Variants in IQCM observed in about 807,000 individuals in gnomAD.
IQCM encodes the protein IQ motif containing M, also known as IQ domain-containing protein M.
In IQCM, 45 loss-of-function variants were observed where a neutral mutation model predicts 57.6. The observed-to-expected ratio is 0.78, with a 90% CI of 0.62 to 1.00. The LOEUF is 1.00. Ranked by LOEUF, IQCM falls within the 50% of genes least tolerant of loss-of-function variation. The pLI is 0.00. For missense variants in IQCM, 468 were observed against 511.6 expected (o/e 0.91, Z 0.82); for synonymous variants, 148 against 158.9 (o/e 0.93, Z 0.51).
At chr4:149,421,205 C>T (rs1734098105) in intron 13 of IQCM, among the ~76,000 whole-genome samples, 1 of 151,958 alleles carries the variant, frequency 6.6e-6, no homozygotes, top group African/African-American at 2.4e-5. Context: ...CATAATAACA[C>T]AGTATACACT....
At chr4:149,717,290 A>G (rs541846213) in intron 5 of IQCM, among the ~76,000 whole-genome samples, 1 of 152,280 alleles carries the variant, frequency 6.6e-6, no homozygotes, top group South Asian at 2.1e-4. Context: ...TGCTACCTCC[A>G]GGTACATAGT....
chr4:149,579,454 A>G (rs1331666331), intron 9 of IQCM, among the ~76,000 whole-genome samples: 1 of 151,840 alleles, frequency 6.6e-6, no homozygotes, highest in Admixed American at 6.6e-5. Context: ...TGTTCTGCCT[A>G]TCAGAGCAGT....
intron 12 of IQCM, among the ~76,000 whole-genome samples, chr4:149,438,872 A>G (rs1271514979): frequency 6.6e-6 from 1 of 152,072 alleles, no homozygotes; most frequent in Non-Finnish European, 1.5e-5. Flanking sequence ...TGTAAAAATA[A>G]ATGCTAGGAC....
At chr4:149,469,264 TGGA>T (rs1423322403) in intron 12 of IQCM, among the ~76,000 whole-genome samples, 2 of 152,140 alleles carry the variant, frequency 1.3e-5, no homozygotes, top group African/African-American at 4.8e-5. Flanking sequence ...ATAAACAGTG[TGGA>T]GAAGTCCTTA....
rs532037550 is a variant in IQCM at position 149,688,216 on chromosome 4, GAAAGTTCCTAGAACTGATAAA to G, written c.386-1769_386-1749del. Among the ~76,000 whole-genome samples the G allele has an allele frequency of 9.2e-5, 14 of 151,832 alleles. No homozygotes were observed. In the East Asian group the frequency reaches 2.7e-3, roughly 30 times the overall value. ...CTTGAAAACTCTAAAGACTCCTCCA[GAAAGTTCCTAGAACTGATAAA>G]AAAATTTCAGCAAAGTTTCCAGATA... On this transcript the variant is annotated intron_variant, in intron 5 of 13. Transcript: ENST00000636793.
At chr4:149,734,271 C>T (rs964516225) in intron 4 of IQCM, among the ~76,000 whole-genome samples, 2 of 151,980 alleles carry the variant, frequency 1.3e-5, no homozygotes, top group African/African-American at 2.4e-5. Flanking sequence ...TCCAGGCAAC[C>T]GAAGATGGAA....
rs574017431 is a variant in IQCM, at chr4:149,381,070, G to T, written c.1391-29004C>A. 2.8e-4 allele frequency among the ~76,000 whole-genome samples: 42 copies of T among 152,210 alleles called. No individual in the cohort carries two copies. In the South Asian group the frequency reaches 8.3e-3, roughly 30 times the overall value. ...CACATTTCATCTTCTTCTCAGCTCA[G>T]TAAATTTCTGCATCTTTTGCAGGCT... On this transcript the variant is annotated intron_variant, in intron 13 of 13. Transcript: ENST00000636793.
intron 10 of IQCM, among the ~76,000 whole-genome samples, chr4:149,563,251 C>G (rs971210844): frequency 6.6e-6 from 1 of 152,062 alleles, no homozygotes; most frequent in African/African-American, 2.4e-5. Context: ...GAACAGACAG[C>G]AAAGAAGAAA....
At chr4:149,354,537 G>T (rs1728822323) in intron 13 of IQCM, among the ~76,000 whole-genome samples, 1 of 152,042 alleles carries the variant, frequency 6.6e-6, no homozygotes, top group Middle Eastern at 3.4e-3. Flanking sequence ...TCTAGTTCTT[G>T]AAATGAGATC....
intron 13 of IQCM, 40 bp downstream of exon 13, chr4:149,433,356 A>C (rs1735047466): frequency 1.1e-6 from 1 of 875,150 alleles, no homozygotes; most frequent in Non-Finnish European, 1.5e-6. Flanking sequence ...ATAAGGTATC[A>C]CTTCTTCTTT....
intron 12 of IQCM, among the ~76,000 whole-genome samples, chr4:149,480,041 A>G (rs1169380320): frequency 6.6e-6 from 1 of 152,216 alleles, no homozygotes; most frequent in East Asian, 1.9e-4. Flanking sequence ...ATATTAAAGG[A>G]TGATCTTATA....
At chr4:149,715,168 G>C (rs549659267) in intron 5 of IQCM, among the ~76,000 whole-genome samples, 1 of 152,278 alleles carries the variant, frequency 6.6e-6, no homozygotes, top group South Asian at 2.1e-4. Flanking sequence ...GGGGCCTGCT[G>C]TGCTAAGTCC....
intron 12 of IQCM, among the ~76,000 whole-genome samples, chr4:149,446,331 C>A (rs1736504095): frequency 6.6e-6 from 1 of 151,578 alleles, no homozygotes; most frequent in Admixed American, 6.6e-5. Context: ...GCTAACTGGT[C>A]CATGAAATAA....
intron 7 of IQCM, among the ~76,000 whole-genome samples, chr4:149,655,355 C>G (rs1197913096): frequency 2.0e-5 from 3 of 152,068 alleles, no homozygotes; most frequent in African/African-American, 7.2e-5. Flanking sequence ...TCTTACATCC[C>G]ACAAGTCTCT....
intron 5 of IQCM, among the ~76,000 whole-genome samples, chr4:149,729,789 C>G (rs1766295826): frequency 6.6e-6 from 1 of 152,076 alleles, no homozygotes; most frequent in African/African-American, 2.4e-5. Context: ...ATGAGGGTAT[C>G]TGAGATAACG....
chr4:149,643,827 G>A (rs143128693), intron 7 of IQCM, among the ~76,000 whole-genome samples: 1 of 152,142 alleles, frequency 6.6e-6, no homozygotes, highest in Non-Finnish European at 1.5e-5. Flanking sequence ...AATCTCTCCA[G>A]TGGGTTACAC....
chr4:149,402,054 T>C (rs1271588163), intron 13 of IQCM, among the ~76,000 whole-genome samples: 1 of 151,862 alleles, frequency 6.6e-6, no homozygotes, highest in East Asian at 1.9e-4. Flanking sequence ...GTCTGAATTA[T>C]AATATTTTTC....
At chr4:149,371,847 GTAGCATTTCTCTGCTTCTAA>G in intron 13 of IQCM, among the ~76,000 whole-genome samples, 1 of 152,080 alleles carries the variant, frequency 6.6e-6, no homozygotes, top group East Asian at 1.9e-4. Context: ...GGATTCACGT[GTAGCATTTCTCTGCTTCTAA>G]GGATGGCCAT....
At chr4:149,695,692 G>A (rs1371563885) in intron 5 of IQCM, among the ~76,000 whole-genome samples, 1 of 152,158 alleles carries the variant, frequency 6.6e-6, no homozygotes, top group Non-Finnish European at 1.5e-5. Context: ...AGACATAAGA[G>A]AGGGCAAATA....
Sources: gnomAD v4.1 joint callset for allele counts (sites outside exome capture counted in the v4.1 genomes callset) on GRCh38, gnomAD v4.1.1 for gene constraint, MANE v1.5 for transcripts, NCBI Gene and HGNC (gene_info 2026-07-23, HGNC 2026-07-21) for gene names.